The following COG3 variants were observed in gnomAD, a reference collection of about 807,000 sequenced individuals.
COG3 encodes component of oligomeric golgi complex 3, also known as conserved oligomeric Golgi complex subunit 3.
Under a neutral mutation model 114.1 loss-of-function variants are expected in COG3, and 32 were observed. The ratio of observed to expected loss-of-function variants is 0.28; its 90% confidence interval spans 0.21 to 0.38. COG3 has a LOEUF of 0.38. Among genes scored for constraint, COG3 ranks in the 10% least tolerant of loss-of-function variants. The pLI is 1.00. For missense variants in COG3, 813 were observed against 973.2 expected (o/e 0.84, Z 2.19); for synonymous variants, 352 against 365.7 (o/e 0.96, Z 0.43).
Position 45,535,595 on chromosome 13 carries a change from C to G in COG3, c.*864C>G. On this transcript the variant is annotated 3_prime_UTR_variant, in exon 23 of 23. Coordinates refer to ENST00000349995, the MANE Select transcript of COG3 (RefSeq NM_031431.4). ...CAGGTCACCAGCCTTCTGTACACTG[C>G]CTTTGGTTTTAGCAGTTCTTTGAAA... The G allele has an allele frequency of 1.0e-6, 1 of 985,630 alleles. No individual in the cohort carries two copies. The highest frequency in any genetic ancestry group is 4.7e-5 in the South Asian group (1 of 21,288). The allele number at this position is 985,630 out of a possible 1,614,324, so 61.1% of individuals were successfully genotyped here. A position where few individuals can be genotyped will look rare whatever the true frequency, so the allele number is the denominator to read the frequency against.
intron 14 of COG3, among the ~76,000 whole-genome samples, chr13:45,507,885 T>C (rs1870349309): frequency 6.7e-6 from 1 of 149,202 alleles, no homozygotes; most frequent in Non-Finnish European, 1.5e-5. Context: ...CTGACCAACA[T>C]GGTGAAACCC....
rs751224880 is a variant in COG3 at position 45,492,205 on chromosome 13, A to G, written c.1142A>G (p.His381Arg). Residue 381 changes from histidine to arginine, a missense_variant, in exon 11 of 23, where the codon CAC becomes CGC. His to Arg is a conservative substitution (Grantham distance 29, BLOSUM62 0). Coordinates refer to ENST00000349995, the MANE Select transcript of COG3 (RefSeq NM_031431.4). ...ATGGTTCATGTCTGCCAGGATGAAC[A>G]CCAACTTTACAATGAATTTTTCACA... Reference protein sequence around the residue: ...AFMVHVCQDEHQLYNEFFTKP... With the variant: ...AFMVHVCQDERQLYNEFFTKP... 20 of 1,610,174 alleles carry G rather than the reference A, an allele frequency of 1.2e-5. No individual in the cohort carries two copies. Among genetic ancestry groups the G allele is most frequent in the Non-Finnish European group, 1.4e-5 (17 of 1,178,424 alleles).
At chr13:45,502,543 A>G (rs1053025305) in intron 13 of COG3, among the ~76,000 whole-genome samples, 1 of 152,130 alleles carries the variant, frequency 6.6e-6, no homozygotes, top group African/African-American at 2.4e-5. Flanking sequence ...AATTAGCTGT[A>G]CTTTCCAATT....
intron 13 of COG3, among the ~76,000 whole-genome samples, chr13:45,499,393 C>A (rs546674885): frequency 6.6e-6 from 1 of 152,282 alleles, no homozygotes; most frequent in African/African-American, 2.4e-5. Flanking sequence ...AATGAGATTG[C>A]TGTCAGACGT....
At position 45,518,865 on chromosome 13, in the gene COG3, G is replaced by T. The variant is rs568451214; in HGVS notation, c.2019+15G>T. On this transcript the variant is annotated intron_variant, in intron 18 of 22. Coordinates refer to ENST00000349995, the MANE Select transcript of COG3 (RefSeq NM_031431.4). The stretch of plus-strand genomic sequence containing the variant: ...TCTTGTTGGAGGTGAGAAGGAGTCT[G>T]TTTCATTGGTGGTGGGAGATAAACG... 1 of 1,611,744 alleles carries T rather than the reference G, an allele frequency of 6.2e-7. No individual in the cohort carries two copies. The highest frequency in any genetic ancestry group is 2.2e-5 in the East Asian group (1 of 44,874).
intron 22 of COG3, 51 bp downstream of exon 22, chr13:45,530,831 T>A (rs1422008036): frequency 6.4e-7 from 1 of 1,568,860 alleles, no homozygotes; most frequent in Non-Finnish European, 8.7e-7. Context: ...CTTGGTTATT[T>A]CACCTGAGTA....
At position 45,492,163 on chromosome 13, in the gene COG3, G is replaced by A. The variant is rs776990693; in HGVS notation, c.1100G>A (p.Arg367His). ...GTGTGTGTTTGTTTACTGCAGGTTC[G>A]TAGTGGCTGTGCCTTCATGGTTCAT... ...QNNRDHCALV[R>H]SGCAFMVHVC... Residue 367 changes from arginine (R) to histidine (H), a missense_variant, in exon 11 of 23, where the codon CGT becomes CAT. Arg to His is a conservative substitution (Grantham distance 29). Around this residue, in one of 2 missense-constraint regions of COG3, gnomAD observed 389 missense variants for 542.6 expected, o/e 0.72. Coordinates refer to ENST00000349995, the MANE Select transcript of COG3 (RefSeq NM_031431.4). The A allele has an allele frequency of 1.9e-6, 3 of 1,598,966 alleles. No homozygotes were observed. Among genetic ancestry groups the A allele is most frequent in the East Asian group, 2.3e-5 (1 of 43,924 alleles).
In COG3 at chr13:45,510,994, A is replaced by G. The variant is rs565746186; in HGVS notation, c.1720-771A>G. ...CAAGTTGGAGACCAGGGCCCAGGAC[A>G]GTGGCCTAATAATGAATAGGCTCAT... On this transcript the variant is annotated intron_variant, in intron 15 of 22. Transcript: ENST00000349995. 2.6e-5 allele frequency among the ~76,000 whole-genome samples: 4 copies of G among 152,332 alleles called. No individual in the cohort carries two copies. The East Asian group carries it at 7.7e-4, about 29-fold the overall frequency.
Position 45,503,333 on chromosome 13 carries a change from C to G in COG3, c.1578C>G (p.Asn526Lys). The G allele has an allele frequency of 6.3e-7, 1 of 1,578,494 alleles. No individual in the cohort carries two copies. The change falls in exon 14 of 23, where the codon AAC becomes AAG. Residue 526 changes from asparagine (N) to lysine (K), a missense_variant. This residue lies in a region of COG3 where 389 missense variants were observed against 542.6 expected (regional missense o/e 0.72). Transcript: ENST00000349995. Reference protein sequence around the residue: ...SDVHLEEGESNSLTKSGSTES... With the variant: ...SDVHLEEGESKSLTKSGSTES... ...TTCACTTAGAAGAAGGAGAGTCTAA[C>G]AGTCTGACAAAATCTGGTATGTTAT...
intron 8 of COG3, among the ~76,000 whole-genome samples, chr13:45,487,644 A>G (rs994017688): frequency 6.6e-6 from 1 of 152,244 alleles, no homozygotes; most frequent in Non-Finnish European, 1.5e-5. Flanking sequence ...AATGTTCAAC[A>G]TCACTAATCA....
intron 14 of COG3, among the ~76,000 whole-genome samples, chr13:45,508,476 G>T (rs367934578): frequency 3.5e-4 from 53 of 150,476 alleles, no homozygotes; most frequent in African/African-American, 1.3e-3. Context: ...ATGTGTTGGG[G>T]TGTGTGTGTA....
chr13:45,516,395 C>G, intron 17 of COG3, 132 bp downstream of exon 17: 2 of 709,206 alleles, frequency 2.8e-6, no homozygotes, highest in Non-Finnish European at 2.1e-6. Context: ...GTTATTTGTT[C>G]GTACTAAGCT....
intron 17 of COG3, among the ~76,000 whole-genome samples, chr13:45,516,709 C>G (rs1321387400): frequency 6.6e-6 from 1 of 152,164 alleles, no homozygotes; most frequent in Non-Finnish European, 1.5e-5. Context: ...CCTGTCCCAT[C>G]ATTTCCCGGC....
intron 10 of COG3, 22 bp downstream of exon 10, chr13:45,491,560 T>C: frequency 1.2e-6 from 2 of 1,605,150 alleles, no homozygotes; most frequent in Non-Finnish European, 1.7e-6. Flanking sequence ...CTTGTTTTGG[T>C]TTAATGTTAA....
chr13:45,513,215 TTATATATATATAATATA>T (rs1416541980), intron 16 of COG3, among the ~76,000 whole-genome samples: 1 of 85,140 alleles, frequency 1.2e-5, no homozygotes, highest in South Asian at 3.8e-4. Flanking sequence ...TACATATAAA[TTATATATATATAATATA>T]TACATATAAA....
At chr13:45,523,584 T>C (rs1168623210) in intron 19 of COG3, among the ~76,000 whole-genome samples, 1 of 152,200 alleles carries the variant, frequency 6.6e-6, no homozygotes, top group East Asian at 1.9e-4. Context: ...ATAAGTAAAC[T>C]ATCTGGATAG....
At position 45,465,005 on chromosome 13, in the gene COG3, CGCT is replaced by C. The variant is rs1566235568; in HGVS notation, c.-24_-22del. On this transcript the variant is annotated 5_prime_UTR_variant, in exon 1 of 23. Coordinates refer to ENST00000349995, the MANE Select transcript of COG3 (RefSeq NM_031431.4). ...CTCTCTGTCGGGGTCCCCTCCATCTCGCTGCTGCTGAAGGCCGCGAGGGCGGCG... is the reference window on the plus strand; with the variant it reads ...CTCTCTGTCGGGGTCCCCTCCATCTCGCTGCTGAAGGCCGCGAGGGCGGCG... 2 of 1,544,186 alleles carry C rather than the reference CGCT, an allele frequency of 1.3e-6. No individual in the cohort carries two copies. Among genetic ancestry groups the C allele is most frequent in the Non-Finnish European group, 8.7e-7 (1 of 1,146,130 alleles).
At chr13:45,507,000 A>G (rs1421873572) in intron 14 of COG3, among the ~76,000 whole-genome samples, 2 of 152,226 alleles carry the variant, frequency 1.3e-5, no homozygotes, top group Non-Finnish European at 2.9e-5. Context: ...GCAGACGTGC[A>G]GGAGGGCTGT....
intron 2 of COG3, among the ~76,000 whole-genome samples, chr13:45,478,731 C>T (rs890988644): frequency 5.3e-5 from 8 of 152,128 alleles, no homozygotes; most frequent in African/African-American, 1.2e-4. Context: ...TCAGGTGATC[C>T]GCCCACCTCG....
Sources: allele counts gnomAD v4.1 joint callset (sites outside exome capture counted in the v4.1 genomes callset), GRCh38; gene constraint gnomAD v4.1.1; regional missense constraint gnomAD v4.1.1; transcripts MANE v1.5; gene names NCBI Gene and HGNC (gene_info 2026-07-23, HGNC 2026-07-21).